The following KCNH8 variants were observed in gnomAD, a reference collection of about 807,000 sequenced individuals.
The protein encoded by KCNH8 is potassium voltage-gated channel subfamily H member 8.
A neutral mutation model predicts 103.6 loss-of-function variants in KCNH8; 70 were observed. The ratio of observed to expected loss-of-function variants is 0.68; its 90% CI spans 0.56 to 0.82. The LOEUF (loss-of-function observed/expected upper bound fraction) is 0.82, where lower values mean the gene tolerates loss of function less well. Among genes scored for constraint, KCNH8 ranks in the 40% least tolerant of loss-of-function variants. KCNH8 has a pLI of 0.00. For synonymous variants in KCNH8, 498 were observed against 489.4 expected (o/e 1.02, Z -0.23); for missense variants, 1,217 against 1,329.9 (o/e 0.92, Z 1.32).
intron 3 of KCNH8, among the ~76,000 whole-genome samples, chr3:19,326,379 ATAT>A (rs1215117844): frequency 3.0e-4 from 44 of 145,368 alleles, no homozygotes; most frequent in African/African-American, 6.4e-4. Flanking sequence ...ATATATATAT[ATAT>A]AATAAATGAT....
intron 3 of KCNH8, among the ~76,000 whole-genome samples, chr3:19,299,314 A>G (rs572908861): frequency 2.6e-5 from 4 of 152,202 alleles, no homozygotes; most frequent in South Asian, 4.1e-4. Flanking sequence ...GGCCAGACAC[A>G]GTGTCTGATG....
intron 8 of KCNH8, among the ~76,000 whole-genome samples, chr3:19,448,082 T>C (rs555428827): frequency 4.6e-5 from 7 of 152,086 alleles, no homozygotes; most frequent in Admixed American, 3.9e-4. Context: ...TGAAAATTCA[T>C]AACATGTTTC....
chr3:19,353,604 A>G (rs531415089), intron 5 of KCNH8, among the ~76,000 whole-genome samples: 20 of 152,282 alleles, frequency 1.3e-4, no homozygotes, highest in Admixed American at 1.2e-3. Flanking sequence ...AACATAATCC[A>G]TCATAGAAAC....
At chr3:19,509,660 C>G (rs1320247012) in intron 11 of KCNH8, among the ~76,000 whole-genome samples, 1 of 152,136 alleles carries the variant, frequency 6.6e-6, no homozygotes. Flanking sequence ...AAATTTAAAT[C>G]TGTCTTACAA....
chr3:19,370,606 T>C (rs1445303493), intron 5 of KCNH8, among the ~76,000 whole-genome samples: 1 of 152,034 alleles, frequency 6.6e-6, no homozygotes, highest in Non-Finnish European at 1.5e-5. Context: ...TGTATACATA[T>C]TTTATTTTAT....
chr3:19,172,231 C>T (rs1243787989), intron 1 of KCNH8, among the ~76,000 whole-genome samples: 1 of 151,982 alleles, frequency 6.6e-6, no homozygotes, highest in Non-Finnish European at 1.5e-5. Context: ...ACTATATGTA[C>T]CTCAGAGAAA....
At chr3:19,157,211 T>C (rs2063189621) in intron 1 of KCNH8, among the ~76,000 whole-genome samples, 1 of 152,104 alleles carries the variant, frequency 6.6e-6, no homozygotes. Flanking sequence ...AGTAGATGGC[T>C]CTTACCTGTG....
intron 2 of KCNH8, among the ~76,000 whole-genome samples, chr3:19,279,011 C>T (rs537066197): frequency 4.3e-4 from 66 of 152,210 alleles, no homozygotes; most frequent in South Asian, 2.3e-3. Context: ...TTAATAGCCT[C>T]GGTTATGATT....
At chr3:19,397,500 T>C (rs575456007) in intron 7 of KCNH8, among the ~76,000 whole-genome samples, 20 of 151,244 alleles carry the variant, frequency 1.3e-4, no homozygotes, top group African/African-American at 2.2e-4. Context: ...TATCTATATA[T>C]ACACACACAC....
chr3:19,149,505 T>C (rs1244982215), intron 1 of KCNH8, among the ~76,000 whole-genome samples: 1 of 151,606 alleles, frequency 6.6e-6, no homozygotes, highest in Non-Finnish European at 1.5e-5. Context: ...TAAGCTACAG[T>C]AGGAAAAAAA....
intron 1 of KCNH8, among the ~76,000 whole-genome samples, chr3:19,170,810 A>ATTTTTTTT (rs1163528137): frequency 9.3e-5 from 7 of 75,358 alleles, no homozygotes; most frequent in African/African-American, 3.1e-4. Flanking sequence ...ATATATATAT[A>ATTTTTTTT]TTTTTTTTTT....
chr3:19,207,479 T>C (rs971123860), intron 1 of KCNH8, among the ~76,000 whole-genome samples: 6 of 151,914 alleles, frequency 3.9e-5, no homozygotes, highest in African/African-American at 1.4e-4. Context: ...ATAAAGTGGA[T>C]CTGTGGGCCT....
At chr3:19,177,094 A>C (rs879854797) in intron 1 of KCNH8, among the ~76,000 whole-genome samples, 1 of 152,132 alleles carries the variant, frequency 6.6e-6, no homozygotes, top group Non-Finnish European at 1.5e-5. Context: ...GTACTTCAGC[A>C]TTATACTTCT....
rs377382911 is a variant in KCNH8 at position 19,329,443 on chromosome 3, A to G, written c.443-13144A>G. ...GAAACAGCATAGGAACAATAAGAAC[A>G]ATAGGTAAAGCTATAATTATGGCTT... On this transcript the variant is annotated intron_variant, in intron 3 of 15. Coordinates refer to ENST00000328405, the MANE Select transcript of KCNH8 (RefSeq NM_144633.3). Among the ~76,000 whole-genome samples the G allele has an allele frequency of 8.5e-5, 13 of 152,340 alleles. 1 individual carries two copies. The highest frequency in any genetic ancestry group is 4.6e-4 in the Admixed American group (7 of 15,296).
intron 1 of KCNH8, among the ~76,000 whole-genome samples, chr3:19,229,927 C>A (rs1448092583): frequency 1.3e-5 from 2 of 152,138 alleles, no homozygotes; most frequent in Admixed American, 1.3e-4. Context: ...AGTCTATTTT[C>A]ATGCTGCTGA....
At chr3:19,522,108 G>T (rs775854185) in intron 15 of KCNH8, among the ~76,000 whole-genome samples, 1 of 151,782 alleles carries the variant, frequency 6.6e-6, no homozygotes, top group Non-Finnish European at 1.5e-5. Flanking sequence ...AATATTAGGT[G>T]ATTTTAATCC....
intron 1 of KCNH8, among the ~76,000 whole-genome samples, chr3:19,155,093 A>G (rs1231051149): frequency 6.6e-6 from 1 of 152,196 alleles, no homozygotes; most frequent in Non-Finnish European, 1.5e-5. Flanking sequence ...ATAGTTGTTA[A>G]TACAACCATC....
chr3:19,299,962 A>G (rs2065044574), intron 3 of KCNH8, among the ~76,000 whole-genome samples: 1 of 152,128 alleles, frequency 6.6e-6, no homozygotes, highest in African/African-American at 2.4e-5. Context: ...ATAAAAGAAA[A>G]TATGGGCCAG....
At position 19,289,963 on chromosome 3, in the gene KCNH8, T is replaced by C. The variant is rs554530818; in HGVS notation, c.442+8634T>C. ...GTTCTCCTTGAAGAGGTCCTTCACA[T>C]CCCTTGTAAGTTGGATTCCTAGGTA... On this transcript the variant is annotated intron_variant, in intron 3 of 15. Coordinates refer to ENST00000328405, the MANE Select transcript of KCNH8 (RefSeq NM_144633.3). Among the ~76,000 whole-genome samples the C allele has an allele frequency of 2.9e-3, 440 of 152,300 alleles. 2 individuals carry two copies. Among genetic ancestry groups the C allele is most frequent in the Non-Finnish European group, 4.4e-3 (296 of 68,028 alleles).
Sources: allele counts gnomAD v4.1 joint callset (sites outside exome capture counted in the v4.1 genomes callset), GRCh38; gene constraint gnomAD v4.1.1; transcripts MANE v1.5; gene names NCBI Gene and HGNC (gene_info 2026-07-23, HGNC 2026-07-21).